Variants in RSRC1 observed in about 807,000 individuals in gnomAD.
RSRC1 encodes arginine and serine rich coiled-coil 1.
In RSRC1, 39 loss-of-function variants were observed where a neutral mutation model predicts 49.1. That is an observed-to-expected ratio of 0.79 (90% CI 0.61 to 1.04). The LOEUF (loss-of-function observed/expected upper bound fraction) is 1.04, where lower values mean the gene tolerates loss of function less well. RSRC1 is among the 50% of genes least tolerant of loss of function. The probability of loss-of-function intolerance (pLI) is 0.00; values close to 1 mark genes in which losing one functional copy is unlikely to be tolerated. For missense variants in RSRC1, 388 were observed against 402.4 expected (o/e 0.96, Z 0.31); for synonymous variants, 143 against 130.8 (o/e 1.09, Z -0.63).
intron 4 of RSRC1, among the ~76,000 whole-genome samples, chr3:158,215,461 G>T (rs761114458): frequency 6.6e-6 from 1 of 151,496 alleles, no homozygotes; most frequent in African/African-American, 2.4e-5. Context: ...CTTTTAATTG[G>T]TGTGTTTACA....
At chr3:158,540,756 T>A (rs1188992871) in intron 8 of RSRC1, among the ~76,000 whole-genome samples, 1 of 152,188 alleles carries the variant, frequency 6.6e-6, no homozygotes, top group Admixed American at 6.5e-5. Flanking sequence ...CCAGGACCCA[T>A]TCAGCAGCCA....
intron 7 of RSRC1, among the ~76,000 whole-genome samples, chr3:158,525,796 A>G (rs1016527979): frequency 6.6e-6 from 1 of 151,992 alleles, no homozygotes. Context: ...CAGATATAAA[A>G]GAGTATGCAA....
chr3:158,142,948 C>A (rs1389291737), intron 3 of RSRC1, among the ~76,000 whole-genome samples: 1 of 152,164 alleles, frequency 6.6e-6, no homozygotes, highest in African/African-American at 2.4e-5. Context: ...TGGTACCTAA[C>A]ATTGTATTTC....
intron 5 of RSRC1, among the ~76,000 whole-genome samples, chr3:158,322,968 C>T (rs1284270972): frequency 2.0e-5 from 3 of 152,106 alleles, no homozygotes; most frequent in Non-Finnish European, 4.4e-5. Flanking sequence ...AAGTCTTTGT[C>T]TGCTAAAACA....
At chr3:158,253,242 A>G (rs1460510088) in intron 4 of RSRC1, among the ~76,000 whole-genome samples, 2 of 151,836 alleles carry the variant, frequency 1.3e-5, no homozygotes, top group African/African-American at 2.4e-5. Flanking sequence ...CTTTTGCTGT[A>G]TCCCATAGAT....
intron 7 of RSRC1, among the ~76,000 whole-genome samples, chr3:158,462,395 A>G (rs968910338): frequency 2.0e-5 from 3 of 151,972 alleles, no homozygotes; most frequent in Admixed American, 1.3e-4. Flanking sequence ...TAATAACATA[A>G]TGGCCCTTAT....
At chr3:158,143,823 G>T (rs1040011076) in intron 3 of RSRC1, among the ~76,000 whole-genome samples, 1 of 151,822 alleles carries the variant, frequency 6.6e-6, no homozygotes, top group Non-Finnish European at 1.5e-5. Flanking sequence ...GACAACTTTG[G>T]GGAATTAAAC....
chr3:158,139,678 G>C (rs1274745046), intron 3 of RSRC1, among the ~76,000 whole-genome samples: 1 of 146,124 alleles, frequency 6.8e-6, no homozygotes, highest in East Asian at 2.0e-4. Context: ...CTTTCGCCCA[G>C]GCTGGAGTGC....
intron 7 of RSRC1, among the ~76,000 whole-genome samples, chr3:158,499,336 C>T (rs1739490765): frequency 6.6e-6 from 1 of 152,004 alleles, no homozygotes; most frequent in Admixed American, 6.6e-5. Flanking sequence ...GAGATTGTGC[C>T]ACTGCACTCC....
intron 3 of RSRC1, among the ~76,000 whole-genome samples, chr3:158,195,735 C>T (rs1344572154): frequency 6.6e-6 from 1 of 152,284 alleles, no homozygotes; most frequent in South Asian, 2.1e-4. Flanking sequence ...GTTTTTCCAG[C>T]ACCATTTATT....
intron 3 of RSRC1, among the ~76,000 whole-genome samples, chr3:158,186,630 C>G (rs1359936113): frequency 6.6e-6 from 1 of 151,840 alleles, no homozygotes; most frequent in Non-Finnish European, 1.5e-5. Context: ...AAAGTAATAG[C>G]TTTTTCACAG....
intron 7 of RSRC1, among the ~76,000 whole-genome samples, chr3:158,492,205 A>G (rs1416460075): frequency 6.6e-6 from 1 of 152,162 alleles, no homozygotes; most frequent in Non-Finnish European, 1.5e-5. Context: ...GCATGGGGGA[A>G]TCCACCCCTA....
At chr3:158,451,494 T>C (rs190933054) in intron 6 of RSRC1, among the ~76,000 whole-genome samples, 41 of 152,186 alleles carry the variant, frequency 2.7e-4, no homozygotes, top group African/African-American at 9.9e-4. Flanking sequence ...TTCTTTCCGG[T>C]GTGACCTAGA....
intron 6 of RSRC1, among the ~76,000 whole-genome samples, chr3:158,359,862 AGAT>A (rs1731374072): frequency 1.3e-5 from 2 of 152,314 alleles, no homozygotes; most frequent in Non-Finnish European, 2.9e-5. Context: ...AGGGTGAACA[AGAT>A]GAAGAGGGGC....
At chr3:158,510,706 C>G (rs1230722410) in intron 7 of RSRC1, among the ~76,000 whole-genome samples, 1 of 152,058 alleles carries the variant, frequency 6.6e-6, no homozygotes, top group African/African-American at 2.4e-5. Flanking sequence ...AAGTTATTGA[C>G]TATAGTTAGC....
intron 6 of RSRC1, among the ~76,000 whole-genome samples, chr3:158,376,427 G>A (rs1267583441): frequency 6.6e-6 from 1 of 151,922 alleles, no homozygotes; most frequent in African/African-American, 2.4e-5. Flanking sequence ...CTCCCAAAGT[G>A]CTGGGATTAC....
chr3:158,450,819 T>C (rs1736987762), intron 6 of RSRC1, among the ~76,000 whole-genome samples: 1 of 151,906 alleles, frequency 6.6e-6, no homozygotes, highest in Admixed American at 6.6e-5. Flanking sequence ...TAACATTATA[T>C]ATTTTATGTT....
chr3:158,356,113 C>T (rs1201555751), intron 6 of RSRC1, among the ~76,000 whole-genome samples: 2 of 151,712 alleles, frequency 1.3e-5, no homozygotes, highest in African/African-American at 2.4e-5. Flanking sequence ...CACAGTTGAC[C>T]GCAGGTAACT....
chr3:158,350,991 C>A, intron 5 of RSRC1, among the ~76,000 whole-genome samples: 1 of 152,126 alleles, frequency 6.6e-6, no homozygotes, highest in East Asian at 1.9e-4. Context: ...ATATTCTGTT[C>A]TTTCTTCCTC....
Sources: gnomAD v4.1 joint callset for allele counts (sites outside exome capture counted in the v4.1 genomes callset) on GRCh38, gnomAD v4.1.1 for gene constraint, MANE v1.5 for transcripts, NCBI Gene and HGNC (gene_info 2026-07-23, HGNC 2026-07-21) for gene names.